The following DAB1 variants were observed in gnomAD, a reference collection of about 807,000 sequenced individuals.
DAB1 encodes the protein DAB adaptor protein 1, also known as disabled homolog 1.
In DAB1, 15 loss-of-function variants were observed where a neutral mutation model predicts 64.6. The observed-to-expected ratio is 0.23, with a 90% CI of 0.16 to 0.36. The LOEUF (loss-of-function observed/expected upper bound fraction) is 0.36, where lower values mean the gene tolerates loss of function less well. DAB1 is among the 10% of genes least tolerant of loss of function. DAB1 has a pLI of 1.00. For synonymous variants in DAB1, 235 were observed against 251.9 expected, an observed-to-expected ratio of 0.93 and a Z score of 0.64; for missense variants, 596 against 706.7, an observed-to-expected ratio of 0.84 and a Z score of 1.78.
intron 5 of DAB1, among the ~76,000 whole-genome samples, chr1:58,046,734 T>C (rs1647273278): frequency 6.6e-6 from 1 of 152,202 alleles, no homozygotes; most frequent in South Asian, 2.1e-4. Context: ...GTATCCTTTG[T>C]GTGGTGCAGT....
chr1:57,201,414 G>A (rs893868410), intron 2 of DAB1, among the ~76,000 whole-genome samples: 4 of 151,766 alleles, frequency 2.6e-5, no homozygotes, highest in Admixed American at 6.6e-5. Flanking sequence ...GCCTTCTCTC[G>A]GTGTCTGAGG....
intron 1 of DAB1, among the ~76,000 whole-genome samples, chr1:57,856,145 G>A (rs1388669796): frequency 6.6e-6 from 1 of 152,096 alleles, no homozygotes; most frequent in East Asian, 1.9e-4. Flanking sequence ...TGAGGCCCCT[G>A]GAGAGCCTAG....
chr1:57,268,853 T>C (rs79078070), intron 2 of DAB1, among the ~76,000 whole-genome samples: 40 of 152,316 alleles, frequency 2.6e-4, no homozygotes, highest in African/African-American at 9.6e-4. Flanking sequence ...CAGAATTTAA[T>C]GTAAGGAACC....
intron 4 of DAB1, among the ~76,000 whole-genome samples, chr1:58,214,106 T>C (rs114090266): frequency 1.2e-3 from 182 of 152,298 alleles, no homozygotes; most frequent in African/African-American, 4.2e-3. Context: ...CTGCTCCTGA[T>C]TGCCTTTCCA....
intron 7 of DAB1, among the ~76,000 whole-genome samples, chr1:57,586,241 C>T (rs896044732): frequency 5.9e-5 from 9 of 152,076 alleles, no homozygotes; most frequent in African/African-American, 9.7e-5. Flanking sequence ...CTCTCCTCAC[C>T]AACATCTTCA....
chr1:58,420,492 A>G (rs1644761504), intron 3 of DAB1, among the ~76,000 whole-genome samples: 1 of 152,200 alleles, frequency 6.6e-6, no homozygotes, highest in South Asian at 2.1e-4. Context: ...TATATGTAGA[A>G]ACCACCTAAC....
intron 1 of DAB1, among the ~76,000 whole-genome samples, chr1:57,832,034 T>C (rs1652611802): frequency 6.6e-6 from 1 of 152,196 alleles, no homozygotes; most frequent in Non-Finnish European, 1.5e-5. Context: ...CATATATGCA[T>C]ATGTACGTGC....
intron 2 of DAB1, among the ~76,000 whole-genome samples, chr1:57,268,195 G>A (rs998981159): frequency 1.3e-5 from 2 of 152,118 alleles, no homozygotes; most frequent in Non-Finnish European, 2.9e-5. Context: ...GTGTGCACCC[G>A]GAGTGCAGCC....
chr1:57,160,294 A>G (rs1660626667), intron 2 of DAB1, among the ~76,000 whole-genome samples: 1 of 152,204 alleles, frequency 6.6e-6, no homozygotes, highest in Non-Finnish European at 1.5e-5. Flanking sequence ...TGTTCCTCAC[A>G]GCCACCTAGC....
At chr1:58,415,407 G>T (rs1412952847) in intron 3 of DAB1, 1 of 244,030 alleles carries the variant, frequency 4.1e-6, no homozygotes, top group Non-Finnish European at 6.6e-6. Flanking sequence ...TAAAAGGAAA[G>T]AATTCCATTT....
chr1:57,528,842 GA>G (rs1161791625), intron 7 of DAB1, among the ~76,000 whole-genome samples: 1 of 151,980 alleles, frequency 6.6e-6, no homozygotes, highest in African/African-American at 2.4e-5. Context: ...AAAAATAAAG[GA>G]AAGTAACTAA....
chr1:58,355,983 C>T (rs4912191), intron 3 of DAB1, among the ~76,000 whole-genome samples: 70,264 of 151,940 alleles, frequency 0.46, 16,725 homozygotes, highest in East Asian at 0.59. Context: ...GAGGACCACT[C>T]ATTAGGGAGA....
intron 4 of DAB1, among the ~76,000 whole-genome samples, chr1:58,283,000 C>A (rs532683298): frequency 6.6e-6 from 1 of 151,814 alleles, no homozygotes; most frequent in African/African-American, 2.4e-5. Context: ...GTGACCCATC[C>A]CCCCACCCCA....
At chr1:57,100,751 A>G (rs1368134602) in intron 4 of DAB1, among the ~76,000 whole-genome samples, 5 of 99,464 alleles carry the variant, frequency 5.0e-5, no homozygotes, top group African/African-American at 2.1e-4. Context: ...GAGCTCGCCA[A>G]GCTGGGGTGG....
At chr1:57,081,424 A>G (rs17114957) in intron 4 of DAB1, among the ~76,000 whole-genome samples, 9,322 of 152,248 alleles carry the variant, frequency 0.061, 628 homozygotes, top group East Asian at 0.27. Flanking sequence ...GCAGTGGCTA[A>G]AGGATGATAA....
intron 4 of DAB1, among the ~76,000 whole-genome samples, chr1:57,079,428 T>G (rs574971445): frequency 6.6e-6 from 1 of 152,286 alleles, no homozygotes; most frequent in South Asian, 2.1e-4. Flanking sequence ...TATCATTTCC[T>G]GCCTGGATTA....
At chr1:58,319,747 A>G (rs1202803133) in intron 4 of DAB1, among the ~76,000 whole-genome samples, 2 of 152,224 alleles carry the variant, frequency 1.3e-5, no homozygotes. Flanking sequence ...GTCTCTTTGT[A>G]AAAGTATAGT....
At chr1:57,904,636 A>T (rs1041616241) in intron 5 of DAB1, among the ~76,000 whole-genome samples, 3 of 152,216 alleles carry the variant, frequency 2.0e-5, no homozygotes, top group Non-Finnish European at 2.9e-5. Flanking sequence ...AGACCTAAAA[A>T]ATAGGAAGAA....
At chr1:57,029,851 A>C (rs539494177) in intron 9 of DAB1, among the ~76,000 whole-genome samples, 1 of 152,166 alleles carries the variant, frequency 6.6e-6, no homozygotes, top group Non-Finnish European at 1.5e-5. Flanking sequence ...TTGATTTTAC[A>C]GATCATAGGC....
Sources: allele counts gnomAD v4.1 joint callset (sites outside exome capture counted in the v4.1 genomes callset), GRCh38; gene constraint gnomAD v4.1.1; transcripts MANE v1.5; gene names NCBI Gene and HGNC (gene_info 2026-07-23, HGNC 2026-07-21).